The following MACROD2 variants were observed in gnomAD, a reference collection of about 807,000 sequenced individuals.
The protein encoded by MACROD2 is ADP-ribose glycohydrolase MACROD2.
A neutral mutation model predicts 70.4 loss-of-function variants in MACROD2; 36 were observed. That is an observed-to-expected ratio of 0.51 (90% confidence interval 0.39 to 0.68). The LOEUF (loss-of-function observed/expected upper bound fraction) is 0.68, where lower values mean the gene tolerates loss of function less well. Among genes scored for constraint, MACROD2 ranks in the 30% least tolerant of loss-of-function variants. The pLI, the probability that MACROD2 is intolerant of heterozygous loss-of-function variation, is 0.00. For missense variants in MACROD2, 496 were observed against 538.4 expected (o/e 0.92, Z 0.78); for synonymous variants, 172 against 178.8 (o/e 0.96, Z 0.30).
intron 8 of MACROD2, among the ~76,000 whole-genome samples, chr20:15,638,837 G>A (rs1444008910): frequency 2.6e-5 from 4 of 152,150 alleles, no homozygotes; most frequent in Non-Finnish European, 5.9e-5. Context: ...ATGAATTACA[G>A]GCCAGTGAGA....
intron 6 of MACROD2, among the ~76,000 whole-genome samples, chr20:15,323,252 G>A (rs2146174849): frequency 6.6e-6 from 1 of 152,262 alleles, no homozygotes; most frequent in East Asian, 1.9e-4. Flanking sequence ...ACTGACAGAT[G>A]CATTTGACAG....
At chr20:14,064,227 A>G (rs1016317279) in intron 2 of MACROD2, among the ~76,000 whole-genome samples, 2 of 151,706 alleles carry the variant, frequency 1.3e-5, no homozygotes, top group African/African-American at 2.4e-5. Flanking sequence ...TGCCCTTCCT[A>G]TAAAGGTTTT....
At chr20:15,231,078 C>T (rs1354433654) in intron 6 of MACROD2, among the ~76,000 whole-genome samples, 2 of 151,998 alleles carry the variant, frequency 1.3e-5, no homozygotes, top group Non-Finnish European at 2.9e-5. Flanking sequence ...GGTTGTTATG[C>T]TTTTTGTGCA....
rs78716116 is a variant in MACROD2 at position 15,634,725 on chromosome 20, G to A, written c.645+134878G>A. On this transcript the variant is annotated intron_variant, in intron 8 of 17. Coordinates refer to ENST00000684519, the MANE Select transcript of MACROD2 (RefSeq NM_001351661.2). ...AATGTGTCGGATATTGTCAGTTATC[G>A]CTCAGCATCCATTTTCACCTTTTTC... Among the ~76,000 whole-genome samples, 309 of 152,274 alleles carry A rather than the reference G, an allele frequency of 2.0e-3. 4 individuals carry two copies. The highest frequency in any genetic ancestry group is 7.1e-3 in the African/African-American group (293 of 41,558).
chr20:15,345,064 G>C (rs574740676), intron 6 of MACROD2, among the ~76,000 whole-genome samples: 19 of 152,168 alleles, frequency 1.2e-4, no homozygotes, highest in Non-Finnish European at 2.1e-4. Context: ...GGAGAACAGA[G>C]GGATGGAGAG....
intron 8 of MACROD2, among the ~76,000 whole-genome samples, chr20:15,592,488 A>G (rs991600412): frequency 3.9e-5 from 6 of 152,204 alleles, no homozygotes; most frequent in African/African-American, 1.4e-4. Flanking sequence ...GCAAGCTCTG[A>G]TTATGTTTGC....
intron 4 of MACROD2, among the ~76,000 whole-genome samples, chr20:14,634,902 A>T (rs1048320347): frequency 4.6e-5 from 7 of 152,192 alleles, no homozygotes; most frequent in African/African-American, 1.7e-4. Context: ...CTCATGTCAC[A>T]TCCTGAATCT....
intron 7 of MACROD2, among the ~76,000 whole-genome samples, chr20:15,432,753 T>C (rs767916760): frequency 1.1e-4 from 17 of 152,058 alleles, no homozygotes; most frequent in Non-Finnish European, 2.4e-4. Flanking sequence ...ACACCAATAC[T>C]GTATACATCA....
At position 14,326,917 on chromosome 20, in the gene MACROD2, C is replaced by A. The variant is rs764276885; in HGVS notation, c.272-166562C>A. On this transcript the variant is annotated intron_variant, in intron 3 of 17. Transcript: ENST00000684519. This position sits in a 1 kb window ranked among gnomAD's most constrained non-coding sequence, Gnocchi z 5.5. ...AACCAGGCGTTTTAGACTAGTGAGA[C>A]CTTGAAGAGATGGTGATGAAATAGT... 2.5e-6 allele frequency: 4 copies of A among 1,613,722 alleles called. No individual in the cohort carries two copies. The Admixed American group carries it at 6.7e-5, about 27-fold the overall frequency.
intron 3 of MACROD2, among the ~76,000 whole-genome samples, chr20:14,462,716 T>G (rs1293913907): frequency 7.9e-5 from 12 of 152,026 alleles, no homozygotes; most frequent in East Asian, 1.9e-4. Context: ...TTTGTATAAG[T>G]TGTAAGGAAG....
rs869256433 is a variant in MACROD2, at chr20:14,215,501, A to G, written c.271+129773A>G. ...AAGTATCTTTTTCGAATAATGACTT[A>G]TTTTCCTCTGGGTAGGTACCCCCCC... On this transcript the variant is annotated intron_variant, in intron 3 of 17. Coordinates refer to ENST00000684519, the MANE Select transcript of MACROD2 (RefSeq NM_001351661.2). 3.3e-5 allele frequency among the ~76,000 whole-genome samples: 5 copies of G among 151,944 alleles called. No homozygotes were observed. The East Asian group carries it at 5.8e-4, about 18-fold the overall frequency.
chr20:14,529,335 C>G (rs1221991539), intron 4 of MACROD2, among the ~76,000 whole-genome samples: 1 of 152,170 alleles, frequency 6.6e-6, no homozygotes, highest in African/African-American at 2.4e-5. Flanking sequence ...GAACCCAGGT[C>G]TCTTTTCATC....
intron 8 of MACROD2, among the ~76,000 whole-genome samples, chr20:15,828,224 A>G (rs1340810025): frequency 6.6e-6 from 1 of 152,212 alleles, no homozygotes; most frequent in Non-Finnish European, 1.5e-5. Flanking sequence ...AAAACATCAC[A>G]TTGTATACCA....
At chr20:15,678,372 T>C (rs1161349804) in intron 8 of MACROD2, among the ~76,000 whole-genome samples, 1 of 151,732 alleles carries the variant, frequency 6.6e-6, no homozygotes, top group East Asian at 2.0e-4. Flanking sequence ...TCTTTTTTTT[T>C]TTTTTGAGAC....
At chr20:15,612,927 C>A (rs1266921680) in intron 8 of MACROD2, among the ~76,000 whole-genome samples, 2 of 152,148 alleles carry the variant, frequency 1.3e-5, no homozygotes, top group African/African-American at 4.8e-5. Flanking sequence ...TGAAAAGCAG[C>A]CTCACAGTGG....
chr20:14,893,167 A>G (rs1357686621), intron 5 of MACROD2: 2 of 152,154 alleles, frequency 1.3e-5, no homozygotes, highest in Non-Finnish European at 2.9e-5. Flanking sequence ...CTTTGTATGT[A>G]TATACCACAT....
At chr20:15,700,248 G>T (rs2050437745) in intron 8 of MACROD2, among the ~76,000 whole-genome samples, 1 of 152,166 alleles carries the variant, frequency 6.6e-6, no homozygotes, top group Non-Finnish European at 1.5e-5. Context: ...GCTGCAATCT[G>T]GTCTTGCCTC....
At chr20:15,254,148 G>A (rs1312096619) in intron 6 of MACROD2, among the ~76,000 whole-genome samples, 1 of 152,044 alleles carries the variant, frequency 6.6e-6, no homozygotes, top group Non-Finnish European at 1.5e-5. Context: ...AACTTTCAAC[G>A]GATATTTTTA....
At chr20:15,059,977 T>G (rs1031215073) in intron 5 of MACROD2, among the ~76,000 whole-genome samples, 18 of 152,190 alleles carry the variant, frequency 1.2e-4, no homozygotes. Flanking sequence ...TGCTACAGAT[T>G]AGAGGCAAAT....
Sources: allele counts gnomAD v4.1 joint callset (sites outside exome capture counted in the v4.1 genomes callset), GRCh38; gene constraint gnomAD v4.1.1; non-coding constraint Gnocchi (gnomAD v3.1); transcripts MANE v1.5; gene names NCBI Gene and HGNC (gene_info 2026-07-23, HGNC 2026-07-21).